Variants in USP12 observed in about 807,000 individuals in gnomAD.
USP12 encodes the protein ubiquitin specific peptidase 12.
In USP12, 19 loss-of-function variants were observed where a neutral mutation model predicts 45.5. The ratio of observed to expected loss-of-function variants is 0.42; its 90% CI spans 0.29 to 0.61. USP12 has a LOEUF of 0.61. Among genes scored for constraint, USP12 ranks in the 20% least tolerant of loss-of-function variants. The pLI is 0.22. For synonymous variants in USP12, 149 were observed against 148.8 expected (o/e 1.00, Z -0.01); for missense variants, 242 against 447.7 (o/e 0.54, Z 4.15).
At chr13:27,101,287 A>G (rs1232906141) in intron 3 of USP12, among the ~76,000 whole-genome samples, 1 of 152,260 alleles carries the variant, frequency 6.6e-6, no homozygotes, top group African/African-American at 2.4e-5. Context: ...ATAAACATCA[A>G]AATAACACTG....
chr13:27,148,067 T>C (rs561475370), intron 1 of USP12, among the ~76,000 whole-genome samples: 105 of 151,512 alleles, frequency 6.9e-4, no homozygotes, highest in African/African-American at 2.5e-3. Flanking sequence ...AGGTTGAGGC[T>C]GCAGTGAGCT....
At chr13:27,128,742 A>G (rs1182671287) in intron 1 of USP12, among the ~76,000 whole-genome samples, 1 of 152,210 alleles carries the variant, frequency 6.6e-6, no homozygotes, top group Non-Finnish European at 1.5e-5. Context: ...CCCTTCAGAC[A>G]CCTGACTTGG....
intron 1 of USP12, among the ~76,000 whole-genome samples, chr13:27,139,539 C>G (rs918871635): frequency 6.6e-6 from 1 of 152,170 alleles, no homozygotes; most frequent in Admixed American, 6.5e-5. Flanking sequence ...TCGCTTGAAC[C>G]TGGGAGGCGG....
At chr13:27,101,146 T>C (rs529512598) in intron 3 of USP12, among the ~76,000 whole-genome samples, 2 of 152,302 alleles carry the variant, frequency 1.3e-5, no homozygotes, top group South Asian at 2.1e-4. Flanking sequence ...AAAAAAATAA[T>C]CTTTAAACTT....
intron 3 of USP12, among the ~76,000 whole-genome samples, chr13:27,104,228 G>C (rs1875020834): frequency 6.6e-6 from 1 of 152,128 alleles, no homozygotes; most frequent in Non-Finnish European, 1.5e-5. Flanking sequence ...ACAAGGTCTT[G>C]CTTTGCTGCT....
intron 2 of USP12, 89 bp downstream of exon 2, chr13:27,116,427 A>G: frequency 8.3e-7 from 1 of 1,206,354 alleles, no homozygotes; most frequent in Non-Finnish European, 1.1e-6. Context: ...AGAAAAGAAC[A>G]ATTTTCCTTT....
rs555090839 is a variant in USP12 at position 27,067,793 on chromosome 13, T to A, written c.*1490A>T. 2.8e-4 allele frequency: 42 copies of A among 152,296 alleles called. No homozygotes were observed. Among genetic ancestry groups the A allele is most frequent in the African/African-American group, 7.9e-4 (33 of 41,572 alleles). The allele number at this position is 152,296 out of a possible 1,614,324, so 9.4% of individuals were successfully genotyped here. A position where few individuals can be genotyped will look rare whatever the true frequency, so the allele number is the denominator to read the frequency against. On this transcript the variant is annotated 3_prime_UTR_variant, in exon 9 of 9. Coordinates refer to ENST00000282344, the MANE Select transcript of USP12 (RefSeq NM_182488.4). ...TTAATAAAGAACATCCAAGGCCTGA[T>A]TGCTATTATTCTGAATATAATTTTC...
chr13:27,109,858 G>A (rs1198873403), intron 2 of USP12, among the ~76,000 whole-genome samples: 4 of 144,614 alleles, frequency 2.8e-5, no homozygotes, highest in Non-Finnish European at 4.5e-5. Flanking sequence ...GCAGTGAGCC[G>A]AGATGGTGCC....
intron 6 of USP12, among the ~76,000 whole-genome samples, chr13:27,084,900 TG>T (rs1329609376): frequency 1.3e-5 from 2 of 152,208 alleles, no homozygotes; most frequent in African/African-American, 2.4e-5. Flanking sequence ...GATTTTTGGA[TG>T]TTTTTTTCTA....
At chr13:27,154,917 A>G (rs921494265) in intron 1 of USP12, among the ~76,000 whole-genome samples, 5 of 152,046 alleles carry the variant, frequency 3.3e-5, no homozygotes, top group African/African-American at 1.2e-4. Flanking sequence ...AAGATGCTGC[A>G]GGGGCCAGGA....
intron 2 of USP12, among the ~76,000 whole-genome samples, chr13:27,107,434 C>A (rs998326058): frequency 4.0e-5 from 6 of 151,694 alleles, no homozygotes; most frequent in African/African-American, 1.5e-4. Flanking sequence ...CCCTTAGGAA[C>A]CAAAATTTTT....
intron 1 of USP12, among the ~76,000 whole-genome samples, chr13:27,161,048 T>G (rs150128647): frequency 2.1e-4 from 32 of 152,236 alleles, no homozygotes; most frequent in Middle Eastern, 3.4e-3. Context: ...TATATCCCGT[T>G]TTGTGGAAAA....
At chr13:27,140,221 T>C (rs911509225) in intron 1 of USP12, among the ~76,000 whole-genome samples, 3 of 152,304 alleles carry the variant, frequency 2.0e-5, no homozygotes, top group South Asian at 4.1e-4. Context: ...GCAAAGATGT[T>C]GTGTAGTGAC....
chr13:27,138,997 A>G (rs1467177494), intron 1 of USP12, among the ~76,000 whole-genome samples: 1 of 152,188 alleles, frequency 6.6e-6, no homozygotes, highest in Non-Finnish European at 1.5e-5. Flanking sequence ...CAGCCTTACA[A>G]TCGCATCCTA....
At chr13:27,097,359 G>A (rs1442257544) in intron 3 of USP12, among the ~76,000 whole-genome samples, 1 of 152,162 alleles carries the variant, frequency 6.6e-6, no homozygotes, top group Non-Finnish European at 1.5e-5. Flanking sequence ...CAGCTACTTG[G>A]GAAGCTGAGG....
At chr13:27,163,583 AGTAGAGCTG>A (rs1173823112) in intron 1 of USP12, among the ~76,000 whole-genome samples, 5 of 151,910 alleles carry the variant, frequency 3.3e-5, no homozygotes, top group African/African-American at 1.2e-4. Flanking sequence ...CAATACTGTA[AGTAGAGCTG>A]GTTTTCAATC....
intron 1 of USP12, among the ~76,000 whole-genome samples, chr13:27,151,391 C>T (rs1388646479): frequency 6.6e-6 from 1 of 152,046 alleles, no homozygotes; most frequent in African/African-American, 2.4e-5. Context: ...CTTCAAATGG[C>T]ACCATCAAGA....
At chr13:27,161,758 T>C (rs1206793069) in intron 1 of USP12, among the ~76,000 whole-genome samples, 2 of 151,980 alleles carry the variant, frequency 1.3e-5, no homozygotes, top group African/African-American at 4.8e-5. Flanking sequence ...AGTGTGTGCC[T>C]GTAGTCCCAG....
chr13:27,099,499 G>C (rs1460432425), intron 3 of USP12, among the ~76,000 whole-genome samples: 1 of 151,998 alleles, frequency 6.6e-6, no homozygotes, highest in African/African-American at 2.4e-5. Flanking sequence ...TTCATTTCCT[G>C]CATGTCTAGT....
Sources: gnomAD v4.1 joint callset for allele counts (sites outside exome capture counted in the v4.1 genomes callset) on GRCh38, gnomAD v4.1.1 for gene constraint, MANE v1.5 for transcripts, NCBI Gene and HGNC (gene_info 2026-07-23, HGNC 2026-07-21) for gene names.